C4orf33: variants seen among roughly 807,000 people sequenced by gnomAD.
C4orf33 encodes the protein chromosome 4 open reading frame 33.
Under a neutral mutation model 24.3 loss-of-function variants are expected in C4orf33, and 20 were observed. That is an observed-to-expected ratio of 0.82 (90% confidence interval 0.58 to 1.19). C4orf33 has a LOEUF of 1.19. Among genes scored for constraint, C4orf33 ranks in the 50% most tolerant of loss-of-function variants. The pLI, the probability that C4orf33 is intolerant of heterozygous loss-of-function variation, is 0.00. For synonymous variants in C4orf33, 67 were observed against 76.4 expected (o/e 0.88, Z 0.64); for missense variants, 207 against 225.9 (o/e 0.92, Z 0.54).
chr4:129,110,825 C>G (rs766925980), intron 5 of C4orf33, among the ~76,000 whole-genome samples: 6 of 151,714 alleles, frequency 4.0e-5, no homozygotes, highest in Admixed American at 1.3e-4. Context: ...TCTTTTTTCC[C>G]CTTCCTTTTT....
intron 2 of C4orf33, chr4:129,103,111 C>G (rs115874911): frequency 0.015 from 2,698 of 176,222 alleles, 95 homozygotes; most frequent in African/African-American, 0.062. Flanking sequence ...GGTCCACGTC[C>G]TGGGTTCATG....
chr4:129,106,046 A>G lies in C4orf33; in HGVS notation c.182-541A>G, dbSNP rs551392317. On this transcript the variant is annotated intron_variant, in intron 2 of 5. Transcript: ENST00000425929. ...ATCTTCCTATATCAACAAATATTTA[A>G]TGGTATCTTTGATTTTAATAGCTGC... is the stretch of plus-strand genomic sequence containing the variant. Among the ~76,000 whole-genome samples the G allele has an allele frequency of 2.0e-5, 3 of 152,280 alleles. No individual in the cohort carries two copies. In the South Asian group the frequency reaches 6.2e-4, roughly 32 times the overall value.
At position 129,115,801 on chromosome 4, in the gene C4orf33, A is replaced by AATATATATATATATATAT. The variant is rs55749910; in HGVS notation, c.*4022_*4039dup. The AATATATATATATATATAT allele has an allele frequency of 1.1e-5, 1 of 90,244 alleles. No individual in the cohort carries two copies. The highest frequency in any genetic ancestry group is 4.3e-5 in the African/African-American group (1 of 23,370). 5.6% of individuals were successfully genotyped at this position (90,244 alleles called of 1,614,324 possible). On this transcript the variant is annotated 3_prime_UTR_variant, in exon 6 of 6. Coordinates refer to ENST00000425929, the MANE Select transcript of C4orf33 (RefSeq NM_001099783.2). ...ATGTGCCTAACAAATCTTCTAACTAAATATATATATATATATATATATATA... is the reference window on the plus strand; with the variant it reads ...ATGTGCCTAACAAATCTTCTAACTAAATATATATATATATATATATATATATATATATATATATATATA...
rs1287238780 is a variant in C4orf33 at position 129,113,193 on chromosome 4, T to C, written c.*1402T>C. ...ATCACAACAATATAAAATACTGAAT[T>C]TGAATGTTGTAGCTTGTGAGCTTTC... On this transcript the variant is annotated 3_prime_UTR_variant, in exon 6 of 6. Coordinates refer to ENST00000425929, the MANE Select transcript of C4orf33 (RefSeq NM_001099783.2). 1 of 152,134 alleles carries C rather than the reference T, an allele frequency of 6.6e-6. No homozygotes were observed. The highest frequency in any genetic ancestry group is 1.9e-4 in the East Asian group (1 of 5,202). 9.4% of individuals were successfully genotyped at this position (152,134 alleles called of 1,614,324 possible). A position where few individuals can be genotyped will look rare whatever the true frequency, so the allele number is the denominator to read the frequency against.
chr4:129,102,759 GA>G lies in C4orf33; in HGVS notation c.153del (p.Lys51AsnfsTer17). 1.2e-6 allele frequency: 2 copies of G among 1,613,782 alleles called. No homozygotes were observed. Among genetic ancestry groups the G allele is most frequent in the Non-Finnish European group, 1.7e-6 (2 of 1,179,872 alleles). On this transcript the variant is annotated frameshift_variant, in exon 2 of 6. Transcript: ENST00000425929. LOFTEE classifies it high-confidence loss of function. ...RDPPAPLGEP[G>X]KPFNELWDYE... Reference sequence around the variant, plus strand: ...CCTCCAGCCCCACTTGGAGAACCAGGAAAACCTTTCAATGAACTGTGGGATT... The same window carrying G: ...CCTCCAGCCCCACTTGGAGAACCAGGAAACCTTTCAATGAACTGTGGGATT...
At chr4:129,098,791 G>A (rs1290054846) in intron 1 of C4orf33, among the ~76,000 whole-genome samples, 2 of 152,188 alleles carry the variant, frequency 1.3e-5, no homozygotes, top group African/African-American at 4.8e-5. Context: ...AAGTAGGAAG[G>A]GTTCCCAGAA....
rs1287238780 is a variant in C4orf33, at chr4:129,113,193, T to G, written c.*1402T>G. On this transcript the variant is annotated 3_prime_UTR_variant, in exon 6 of 6. Transcript: ENST00000425929. ...ATCACAACAATATAAAATACTGAAT[T>G]TGAATGTTGTAGCTTGTGAGCTTTC... 1 of 152,134 alleles carries G rather than the reference T, an allele frequency of 6.6e-6. No homozygotes were observed. Among genetic ancestry groups the G allele is most frequent in the East Asian group, 1.9e-4 (1 of 5,202 alleles). The allele number at this position is 152,134 out of a possible 1,614,324, so 9.4% of individuals were successfully genotyped here.
chr4:129,107,613 G>A (rs1023849769), intron 3 of C4orf33, among the ~76,000 whole-genome samples: 2 of 151,914 alleles, frequency 1.3e-5, no homozygotes, highest in Non-Finnish European at 2.9e-5. Flanking sequence ...TTTAAGAAGA[G>A]TAATCATATA....
intron 1 of C4orf33, among the ~76,000 whole-genome samples, chr4:129,099,982 A>G (rs563283075): frequency 6.6e-6 from 1 of 152,306 alleles, no homozygotes; most frequent in African/African-American, 2.4e-5. Context: ...TTATGCAATT[A>G]AAGCCAAAAT....
chr4:129,114,781 A>G lies in C4orf33; in HGVS notation c.*2990A>G, dbSNP rs966234699. The G allele has an allele frequency of 2.6e-5, 4 of 152,250 alleles. No individual in the cohort carries two copies. The highest frequency in any genetic ancestry group is 7.2e-5 in the African/African-American group (3 of 41,442). 9.4% of individuals were successfully genotyped at this position (152,250 alleles called of 1,614,324 possible). On this transcript the variant is annotated 3_prime_UTR_variant, in exon 6 of 6. Coordinates refer to ENST00000425929, the MANE Select transcript of C4orf33 (RefSeq NM_001099783.2). ...CTAGTCATAATGACTCTTCGTGTCA[A>G]CTGTTCAGCAGGCAAATAGAAGCGG...
chr4:129,114,376 G>A lies in C4orf33; in HGVS notation c.*2585G>A, dbSNP rs894038419. 1 of 152,152 alleles carries A rather than the reference G, an allele frequency of 6.6e-6. No homozygotes were observed. The highest frequency in any genetic ancestry group is 1.5e-5 in the Non-Finnish European group (1 of 68,038). The allele number at this position is 152,152 out of a possible 1,614,324, so 9.4% of individuals were successfully genotyped here. On this transcript the variant is annotated 3_prime_UTR_variant, in exon 6 of 6. Transcript: ENST00000425929. The stretch of plus-strand genomic sequence containing the variant: ...CAGCTCCTCAGAAGTTCTCTTAAAA[G>A]GATTCCACCCTGATTACCCACAGCA...
In C4orf33 at chr4:129,111,628, A is replaced by C. The variant is rs111995693; in HGVS notation, c.495-58A>C. ...ACAAAATAAATAGCCCTTCAGGACAACTATTTCACAAATGCATAATTCATT... is the reference window on the plus strand; with the variant it reads ...ACAAAATAAATAGCCCTTCAGGACACCTATTTCACAAATGCATAATTCATT... On this transcript the variant is annotated intron_variant, in intron 5 of 5. Transcript: ENST00000425929. The C allele has an allele frequency of 6.5e-5, 65 of 999,820 alleles. No individual in the cohort carries two copies. The Middle Eastern group carries it at 1.0e-3, about 16-fold the overall frequency. 61.9% of individuals were successfully genotyped at this position (999,820 alleles called of 1,614,324 possible). A position where few individuals can be genotyped will look rare whatever the true frequency, so the allele number is the denominator to read the frequency against.
rs995526086 is a variant in C4orf33 at position 129,101,207 on chromosome 4, T to G, written c.-9-1395T>G. 3.9e-5 allele frequency among the ~76,000 whole-genome samples: 6 copies of G among 152,232 alleles called. No individual in the cohort carries two copies. The East Asian group carries it at 5.8e-4, about 15-fold the overall frequency. ...AAAAGCTATACGTTTTAGAGAAAGG[T>G]TTTTAGAGGTCTTGGATTTCTTATG... is the stretch of plus-strand genomic sequence containing the variant. On this transcript the variant is annotated intron_variant, in intron 1 of 5. Transcript: ENST00000425929.
Position 129,115,857 on chromosome 4 carries a change from T to G in C4orf33, c.*4066T>G, listed in dbSNP as rs1453916166. ...AATATATATGTTTATATATAACATATATATATAGAGAGAGAGCATAAAATG... is the reference window on the plus strand; with the variant it reads ...AATATATATGTTTATATATAACATAGATATATAGAGAGAGAGCATAAAATG... On this transcript the variant is annotated 3_prime_UTR_variant, in exon 6 of 6. Coordinates refer to ENST00000425929, the MANE Select transcript of C4orf33 (RefSeq NM_001099783.2). The G allele has an allele frequency of 8.9e-5, 13 of 146,010 alleles. No individual in the cohort carries two copies. In the Admixed American group the frequency reaches 8.9e-4, roughly 10 times the overall value. The allele number at this position is 146,010 out of a possible 1,614,324, so 9.0% of individuals were successfully genotyped here. A position where few individuals can be genotyped will look rare whatever the true frequency, so the allele number is the denominator to read the frequency against.
chr4:129,102,901 A>AC, intron 2 of C4orf33, 110 bp downstream of exon 2: 1 of 903,936 alleles, frequency 1.1e-6, no homozygotes, highest in Non-Finnish European at 1.6e-6. Flanking sequence ...TGAGCAATTG[A>AC]CATGTACAGT....
intron 3 of C4orf33, among the ~76,000 whole-genome samples, chr4:129,107,486 G>A (rs1205389260): frequency 6.6e-6 from 1 of 151,926 alleles, no homozygotes; most frequent in Non-Finnish European, 1.5e-5. Flanking sequence ...TTGTAGGCTG[G>A]ACAGAGAGCT....
intron 1 of C4orf33, among the ~76,000 whole-genome samples, chr4:129,098,197 T>G (rs1699393): frequency 0.73 from 111,179 of 152,018 alleles, 42,298 homozygotes; most frequent in South Asian, 0.9. Context: ...AGATCCAGGG[T>G]ATATATGTGC....
At position 129,109,343 on chromosome 4, in the gene C4orf33, A is replaced by G; in HGVS notation, c.279A>G (p.Arg93=). The G allele has an allele frequency of 6.2e-7, 1 of 1,614,092 alleles. No individual in the cohort carries two copies. Among genetic ancestry groups the G allele is most frequent in the South Asian group, 1.1e-5 (1 of 91,082 alleles). The change falls in exon 4 of 6, where the codon AGA becomes AGG. Residue 93 remains arginine, a synonymous_variant. Transcript: ENST00000425929. The part of the protein sequence containing the change: ...GQHLVLLLSG[R]RNVWKQELPL... Reference sequence around the variant, plus strand: ...ATTTAGTGCTTTTACTTTCTGGAAGAAGAAATGTGTGGAAAGTAAGTAAAT... The same window carrying G: ...ATTTAGTGCTTTTACTTTCTGGAAGGAGAAATGTGTGGAAAGTAAGTAAAT...
At chr4:129,096,979 T>G (rs1699395) in intron 1 of C4orf33, among the ~76,000 whole-genome samples, 152,165 of 152,278 alleles carry the variant, frequency 1, 76,026 homozygotes, top group East Asian at 1. Context: ...GAGCGATCTC[T>G]GCTCACTGCA....
Sources: gnomAD v4.1 joint callset for allele counts (sites outside exome capture counted in the v4.1 genomes callset) on GRCh38, gnomAD v4.1.1 for gene constraint, MANE v1.5 for transcripts, NCBI Gene and HGNC (gene_info 2026-07-23, HGNC 2026-07-21) for gene names.